The following ARB2A variants were observed in gnomAD, a reference collection of about 807,000 sequenced individuals.
ARB2A encodes the protein cotranscriptional regulator ARB2A.
At chr5:93,662,154 C>G in the ARB2A span, among the ~76,000 whole-genome samples, 1 of 152,126 alleles carries the variant, frequency 6.6e-6, no homozygotes, top group African/African-American at 2.4e-5. Flanking sequence ...GTCTAATTGG[C>G]TTATGTTAAG....
chr5:93,802,013 C>T, the ARB2A span, among the ~76,000 whole-genome samples: 2 of 152,088 alleles, frequency 1.3e-5, no homozygotes, highest in South Asian at 2.1e-4. Flanking sequence ...TTTGAAAATG[C>T]TATAACTTTT....
At chr5:94,023,260 G>A in the ARB2A span, among the ~76,000 whole-genome samples, 1 of 152,198 alleles carries the variant, frequency 6.6e-6, no homozygotes, top group Non-Finnish European at 1.5e-5. Flanking sequence ...GGAACGTACT[G>A]AAGGGGGAGC....
chr5:93,845,005 G>C, the ARB2A span, among the ~76,000 whole-genome samples: 13 of 152,168 alleles, frequency 8.5e-5, no homozygotes, highest in Non-Finnish European at 1.5e-4. Context: ...GGAAAGCTTA[G>C]AAACAGAAAA....
At chr5:93,984,556 A>C in the ARB2A span, among the ~76,000 whole-genome samples, 1 of 152,184 alleles carries the variant, frequency 6.6e-6, no homozygotes. Context: ...ATATAAAATT[A>C]TCTTAACTTC....
At chr5:93,749,643 C>T in the ARB2A span, among the ~76,000 whole-genome samples, 2 of 152,152 alleles carry the variant, frequency 1.3e-5, no homozygotes, top group Non-Finnish European at 2.9e-5. Context: ...TAACTGTCCA[C>T]ATATTTGGGA....
the ARB2A span, among the ~76,000 whole-genome samples, chr5:93,626,544 T>C: frequency 6.6e-6 from 1 of 152,216 alleles, no homozygotes; most frequent in Non-Finnish European, 1.5e-5. Context: ...ATGAAGTGAA[T>C]AGTGTAATTA....
At chr5:94,035,552 T>C in the ARB2A span, among the ~76,000 whole-genome samples, 1 of 152,160 alleles carries the variant, frequency 6.6e-6, no homozygotes, top group Non-Finnish European at 1.5e-5. Context: ...TCACTGGCCA[T>C]TGTTTTTATC....
the ARB2A span, among the ~76,000 whole-genome samples, chr5:93,795,011 C>A: frequency 6.6e-6 from 1 of 152,084 alleles, no homozygotes; most frequent in Admixed American, 6.5e-5. Flanking sequence ...GGCCATAGAG[C>A]TCCCAAGAGA....
At chr5:93,887,948 T>C in the ARB2A span, among the ~76,000 whole-genome samples, 1 of 151,860 alleles carries the variant, frequency 6.6e-6, no homozygotes, top group African/African-American at 2.4e-5. Flanking sequence ...AAAGGTGAAA[T>C]TGTATCTTCC....
the ARB2A span, among the ~76,000 whole-genome samples, chr5:94,059,387 C>G: frequency 6.6e-6 from 1 of 151,706 alleles, no homozygotes; most frequent in Admixed American, 6.6e-5. Flanking sequence ...CTTTGGGAGG[C>G]CAAGGTGGGT....
At chr5:93,864,566 AC>A in the ARB2A span, among the ~76,000 whole-genome samples, 2 of 152,182 alleles carry the variant, frequency 1.3e-5, no homozygotes, top group African/African-American at 4.8e-5. Flanking sequence ...ATTCAACAAA[AC>A]AATCATGCTA....
the ARB2A span, among the ~76,000 whole-genome samples, chr5:93,783,871 T>C: frequency 1.3e-5 from 2 of 152,170 alleles, no homozygotes; most frequent in Non-Finnish European, 2.9e-5. Flanking sequence ...GGCTAGCCCC[T>C]GGGTTTCTCT....
the ARB2A span, among the ~76,000 whole-genome samples, chr5:93,725,947 A>C: frequency 3.7e-4 from 57 of 152,028 alleles, 1 homozygote; most frequent in Admixed American, 2.8e-3. Context: ...AATGAAATGA[A>C]CAGTACTGCA....
At chr5:93,791,851 T>G in the ARB2A span, among the ~76,000 whole-genome samples, 1 of 152,018 alleles carries the variant, frequency 6.6e-6, no homozygotes, top group African/African-American at 2.4e-5. Flanking sequence ...AACTTCCTTT[T>G]CCTTTCCTGC....
chr5:94,055,240 T>G, the ARB2A span, among the ~76,000 whole-genome samples: 2 of 152,214 alleles, frequency 1.3e-5, no homozygotes, highest in Admixed American at 6.5e-5. Flanking sequence ...TTGAGCCTCT[T>G]CATTCTAACT....
the ARB2A span, among the ~76,000 whole-genome samples, chr5:93,626,378 CTT>C: frequency 6.6e-6 from 1 of 152,144 alleles, no homozygotes. Context: ...TGTAGAGTAA[CTT>C]ATCACCAAAA....
the ARB2A span, among the ~76,000 whole-genome samples, chr5:93,689,802 C>T: frequency 6.6e-6 from 1 of 151,932 alleles, no homozygotes; most frequent in Non-Finnish European, 1.5e-5. Context: ...AAGTGATTCT[C>T]CCAGTGAGAT....
chr5:93,745,674 A>C, the ARB2A span, among the ~76,000 whole-genome samples: 1 of 151,990 alleles, frequency 6.6e-6, no homozygotes, highest in Non-Finnish European at 1.5e-5. Flanking sequence ...AGTCTCCAAA[A>C]AAAAATTTTT....
the ARB2A span, among the ~76,000 whole-genome samples, chr5:93,779,111 G>GTGTA: frequency 2.0e-5 from 3 of 148,740 alleles, no homozygotes; most frequent in African/African-American, 7.4e-5. Flanking sequence ...GTGTGTGTGT[G>GTGTA]TGTGTGTGTG....
Sources: allele counts gnomAD v4.1 joint callset (sites outside exome capture counted in the v4.1 genomes callset), GRCh38; gene constraint gnomAD v4.1.1; transcripts MANE v1.5; gene names NCBI Gene and HGNC (gene_info 2026-07-23, HGNC 2026-07-21).